Variants in ASAP1 observed in about 807,000 individuals in gnomAD.
ASAP1 encodes the protein ArfGAP with SH3 domain, ankyrin repeat and PH domain 1.
A neutral mutation model predicts 145.2 loss-of-function variants in ASAP1; 43 were observed. The ratio of observed to expected loss-of-function variants is 0.30; its 90% confidence interval spans 0.23 to 0.38. The LOEUF is 0.38. Ranked by LOEUF, ASAP1 falls within the 10% of genes least tolerant of loss-of-function variation. The pLI, the probability that ASAP1 is intolerant of heterozygous loss-of-function variation, is 1.00. For missense variants in ASAP1, 1,018 were observed against 1,355.3 expected (o/e 0.75, Z 3.91); for synonymous variants, 546 against 515.5 (o/e 1.06, Z -0.80).
intron 27 of ASAP1, among the ~76,000 whole-genome samples, chr8:130,066,441 G>C (rs56182202): frequency 0.16 from 24,281 of 152,066 alleles, 2,555 homozygotes; most frequent in East Asian, 0.44. Flanking sequence ...GAACTCCTGG[G>C]CTCAAGTGAT....
intron 13 of ASAP1, among the ~76,000 whole-genome samples, chr8:130,149,838 G>T (rs971974083): frequency 3.3e-5 from 5 of 152,206 alleles, no homozygotes; most frequent in African/African-American, 1.2e-4. Flanking sequence ...GATTATGAGT[G>T]ATGTTACTGG....
chr8:130,066,399 C>T (rs1368747948), intron 27 of ASAP1, among the ~76,000 whole-genome samples: 1 of 152,124 alleles, frequency 6.6e-6, no homozygotes, highest in African/African-American at 2.4e-5. Flanking sequence ...TAAATAGAGA[C>T]AGGGTCTCAC....
intron 14 of ASAP1, among the ~76,000 whole-genome samples, chr8:130,136,284 G>A (rs901092721): frequency 6.6e-6 from 1 of 152,158 alleles, no homozygotes; most frequent in African/African-American, 2.4e-5. Context: ...GCTATAACAG[G>A]CTGTGGGGTG....
At chr8:130,334,981 T>G (rs1824941333) in intron 3 of ASAP1, among the ~76,000 whole-genome samples, 1 of 152,188 alleles carries the variant, frequency 6.6e-6, no homozygotes, top group African/African-American at 2.4e-5. Context: ...TTCATTGCCT[T>G]CCTGTGCTTC....
At chr8:130,419,086 G>C (rs1387932190) in intron 1 of ASAP1, among the ~76,000 whole-genome samples, 2 of 152,194 alleles carry the variant, frequency 1.3e-5, no homozygotes, top group African/African-American at 4.8e-5. Context: ...CTGGAGGCCA[G>C]GGTCCCGCAC....
Position 130,272,133 on chromosome 8 carries a change from C to T in ASAP1, c.187-35139G>A, listed in dbSNP as rs528551503. On this transcript the variant is annotated intron_variant, in intron 3 of 29. Coordinates refer to ENST00000518721, the MANE Select transcript of ASAP1 (RefSeq NM_018482.4). ...GAGGTGTGATCACACCACTGCACTA[C>T]AGCCTAGGGGACAGAGCAAGACTCT... 1.1e-4 allele frequency among the ~76,000 whole-genome samples: 16 copies of T among 152,166 alleles called. No homozygotes were observed. In the South Asian group the frequency reaches 2.7e-3, roughly 26 times the overall value.
At chr8:130,182,178 G>A (rs186071912) in intron 7 of ASAP1, among the ~76,000 whole-genome samples, 2 of 152,304 alleles carry the variant, frequency 1.3e-5, no homozygotes, top group East Asian at 3.9e-4. Flanking sequence ...GGAGGGACAG[G>A]CATAACTTAA....
intron 2 of ASAP1, among the ~76,000 whole-genome samples, chr8:130,362,961 G>C (rs1465080290): frequency 1.3e-5 from 2 of 152,152 alleles, no homozygotes; most frequent in African/African-American, 4.8e-5. Flanking sequence ...TCTTTTGCAG[G>C]AGCATGAATT....
intron 7 of ASAP1, among the ~76,000 whole-genome samples, chr8:130,181,788 C>G (rs1004533196): frequency 2.6e-5 from 4 of 152,160 alleles, no homozygotes; most frequent in Non-Finnish European, 5.9e-5. Context: ...AAGATTATAG[C>G]CTGCTTTCCA....
At chr8:130,192,883 A>C (rs1334224909) in intron 5 of ASAP1, among the ~76,000 whole-genome samples, 2 of 152,214 alleles carry the variant, frequency 1.3e-5, no homozygotes, top group Non-Finnish European at 1.5e-5. Flanking sequence ...TCTTCTCTAC[A>C]GGGCTATCTA....
chr8:130,087,571 G>C (rs1227914309), intron 25 of ASAP1, among the ~76,000 whole-genome samples: 1 of 152,136 alleles, frequency 6.6e-6, no homozygotes, highest in Admixed American at 6.5e-5. Context: ...GCTGAGGAAA[G>C]AGGCTAATGT....
chr8:130,398,670 C>T (rs2138544651), intron 2 of ASAP1, among the ~76,000 whole-genome samples: 1 of 152,302 alleles, frequency 6.6e-6, no homozygotes, highest in Non-Finnish European at 1.5e-5. Flanking sequence ...TTACCATGTA[C>T]CAGGCACTGT....
chr8:130,431,880 GA>G (rs1207208587), intron 1 of ASAP1, among the ~76,000 whole-genome samples: 3 of 138,784 alleles, frequency 2.2e-5, no homozygotes, highest in Non-Finnish European at 4.6e-5. Context: ...GTAGGAGGGG[GA>G]AAGGGGGAAG....
At chr8:130,182,246 C>T (rs1009100939) in intron 7 of ASAP1, among the ~76,000 whole-genome samples, 2 of 152,130 alleles carry the variant, frequency 1.3e-5, no homozygotes, top group African/African-American at 4.8e-5. Context: ...ATTTCTTCTT[C>T]CTCCAGTGAT....
At chr8:130,379,433 T>C (rs891444816) in intron 2 of ASAP1, among the ~76,000 whole-genome samples, 1 of 152,132 alleles carries the variant, frequency 6.6e-6, no homozygotes, top group Non-Finnish European at 1.5e-5. Context: ...GAGAAGGAAA[T>C]TGTGGAAACC....
chr8:130,218,621 A>G (rs1473857945), intron 4 of ASAP1, among the ~76,000 whole-genome samples: 2 of 152,224 alleles, frequency 1.3e-5, no homozygotes, highest in African/African-American at 4.8e-5. Context: ...GGCCATAGGA[A>G]GAAGGTGTTG....
At chr8:130,182,017 C>T (rs1814389122) in intron 7 of ASAP1, among the ~76,000 whole-genome samples, 1 of 152,170 alleles carries the variant, frequency 6.6e-6, no homozygotes, top group Non-Finnish European at 1.5e-5. Flanking sequence ...TAAACCCAGT[C>T]GGGATTGACT....
chr8:130,266,530 C>T (rs1488741060), intron 3 of ASAP1, among the ~76,000 whole-genome samples: 1 of 152,066 alleles, frequency 6.6e-6, no homozygotes, highest in Non-Finnish European at 1.5e-5. Context: ...CAAAACCACT[C>T]TGGAAGGTAA....
At chr8:130,398,542 A>G (rs771159313) in intron 2 of ASAP1, among the ~76,000 whole-genome samples, 1 of 152,198 alleles carries the variant, frequency 6.6e-6, no homozygotes, top group Non-Finnish European at 1.5e-5. Flanking sequence ...ATTAATAGTA[A>G]TAAGTAACAG....
Sources: allele counts gnomAD v4.1 joint callset (sites outside exome capture counted in the v4.1 genomes callset), GRCh38; gene constraint gnomAD v4.1.1; transcripts MANE v1.5; gene names NCBI Gene and HGNC (gene_info 2026-07-23, HGNC 2026-07-21).